UPRT: variants seen among roughly 807,000 people sequenced by gnomAD.
UPRT encodes uracil phosphoribosyltransferase homolog, also known as RP11-311P8.3.
A neutral mutation model predicts 22.6 loss-of-function variants in UPRT; 5 were observed. The ratio of observed to expected loss-of-function variants is 0.22; its 90% CI spans 0.12 to 0.47. UPRT has a LOEUF of 0.47. Among genes scored for constraint, UPRT ranks in the 20% least tolerant of loss-of-function variants. The probability of loss-of-function intolerance (pLI) is 0.99; values close to 1 mark genes in which losing one functional copy is unlikely to be tolerated. For synonymous variants in UPRT, 77 were observed against 87.7 expected (o/e 0.88, Z 0.68); for missense variants, 181 against 239.9 (o/e 0.75, Z 1.62).
intron 4 of UPRT, among the ~76,000 whole-genome samples, chrX:75,253,521 A>C (rs2082539143): frequency 8.9e-6 from 1 of 112,159 alleles, no homozygotes; most frequent in Admixed American, 9.5e-5. Flanking sequence ...AAAGAACTAA[A>C]AACAGAAAAA....
intron 4 of UPRT, among the ~76,000 whole-genome samples, chrX:75,237,803 T>G (rs867226226): frequency 1.5e-4 from 5 of 33,102 alleles, no homozygotes; most frequent in South Asian, 2.5e-3. Context: ...TGTTGTGGGG[T>G]GGGGGGAGGG....
At chrX:75,301,737 A>G (rs910864162) in intron 6 of UPRT, among the ~76,000 whole-genome samples, 2 of 111,916 alleles carry the variant, frequency 1.8e-5, no homozygotes, top group African/African-American at 3.2e-5. Context: ...AAATAACAGC[A>G]TTAGAATAGG....
intron 4 of UPRT, among the ~76,000 whole-genome samples, chrX:75,232,247 C>T (rs11798503): frequency 0.65 from 72,675 of 111,487 alleles, 20,739 homozygotes; most frequent in Non-Finnish European, 0.91. Flanking sequence ...TAAAAAACGG[C>T]GCACAGGGAG....
At chrX:75,229,202 A>C (rs2082431154) in intron 4 of UPRT, among the ~76,000 whole-genome samples, 2 of 112,244 alleles carry the variant, frequency 1.8e-5, no homozygotes, top group Admixed American at 1.9e-4. Context: ...GCAGTGATGG[A>C]TGTATTAATT....
intron 1 of UPRT, among the ~76,000 whole-genome samples, chrX:75,285,239 G>A (rs1361674684): frequency 9.0e-6 from 1 of 111,597 alleles, no homozygotes; most frequent in Non-Finnish European, 1.9e-5. Flanking sequence ...AGTTGAGAAA[G>A]AAAAACTTCT....
rs770078799 is a variant in UPRT at position 75,206,951 on chromosome X, A to T, written c.-447+39072A>T. On this transcript the variant is annotated intron_variant, in intron 4 of 13. Transcript: ENST00000652605. The stretch of plus-strand genomic sequence containing the variant: ...AGTGTTGAGATTACAGGCGTGAGCC[A>T]CCACACTTGGCCAATGATGGGGTTT... Among the ~76,000 whole-genome samples the T allele has an allele frequency of 3.6e-5, 4 of 112,586 alleles. No homozygotes were observed. In the East Asian group the frequency reaches 1.1e-3, roughly 32 times the overall value.
Position 75,274,188 on chromosome X carries a change from T to C in UPRT, c.-67T>C. The C allele has an allele frequency of 1.7e-6, 2 of 1,147,016 alleles. No homozygotes were observed. Among genetic ancestry groups the C allele is most frequent in the East Asian group, 3.0e-5 (1 of 33,119 alleles). The allele number at this position is 1,147,016 out of a possible 1,213,427, so 94.5% of individuals were successfully genotyped here. On this transcript the variant is annotated 5_prime_UTR_variant, in exon 1 of 7. Transcript: ENST00000373383. ...AACCGAGAGAGCACGTGAGCATCTG[T>C]CCTTTCTACCCGTTCCTCTTTATCT...
intron 4 of UPRT, among the ~76,000 whole-genome samples, chrX:75,192,436 G>A (rs781384185): frequency 3.6e-5 from 4 of 111,005 alleles, no homozygotes; most frequent in African/African-American, 1.3e-4. Flanking sequence ...TGTATATTCC[G>A]TTGTTTTTGG....
At chrX:75,269,568 T>C (rs978901628), upstream of UPRT, among the ~76,000 whole-genome samples, 23 of 111,527 alleles carry the variant, frequency 2.1e-4, no homozygotes, top group African/African-American at 7.2e-4. Flanking sequence ...TACAGTCCAA[T>C]GGAACAGAAC....
intron 1 of UPRT, among the ~76,000 whole-genome samples, chrX:75,288,718 C>T (rs1300095218): frequency 9.0e-6 from 1 of 111,322 alleles, no homozygotes; most frequent in Non-Finnish European, 1.9e-5. Flanking sequence ...ATAACAAACC[C>T]ACAGCCAACA....
chrX:75,172,601 GT>G (rs1242940508), intron 4 of UPRT, among the ~76,000 whole-genome samples: 1 of 111,889 alleles, frequency 8.9e-6, no homozygotes. Flanking sequence ...GACCCTTGCG[GT>G]GAGTGTTACA....
intron 1 of UPRT, among the ~76,000 whole-genome samples, chrX:75,278,404 T>A (rs2082640079): frequency 8.9e-6 from 1 of 112,078 alleles, no homozygotes; most frequent in African/African-American, 3.2e-5. Flanking sequence ...AAACACTGAG[T>A]AGATTATTTG....
At chrX:75,263,921 T>C (rs2082577630) in intron 4 of UPRT, among the ~76,000 whole-genome samples, 1 of 109,909 alleles carries the variant, frequency 9.1e-6, no homozygotes, top group South Asian at 4.0e-4. Context: ...TGTTGTGTCT[T>C]TGTTCTCGTT....
upstream of UPRT, among the ~76,000 whole-genome samples, chrX:75,272,026 C>T (rs2082609485): frequency 9.1e-6 from 1 of 109,699 alleles, no homozygotes; most frequent in Non-Finnish European, 1.9e-5. Context: ...AAACAGGGAA[C>T]ACTGCTACAC....
At chrX:75,160,118 T>C (rs2082194744) in intron 1 of UPRT, among the ~76,000 whole-genome samples, 1 of 111,818 alleles carries the variant, frequency 8.9e-6, no homozygotes, top group Admixed American at 9.5e-5. Flanking sequence ...GGCATTGCCC[T>C]TCTCTAATCC....
intron 4 of UPRT, among the ~76,000 whole-genome samples, chrX:75,184,105 A>G (rs1192921938): frequency 9.0e-6 from 1 of 111,575 alleles, no homozygotes; most frequent in Non-Finnish European, 1.9e-5. Context: ...GCCCATGCCT[A>G]TGTCCTGAAT....
Position 75,274,495 on chromosome X carries a change from G to A in UPRT, c.241G>A (p.Gly81Ser). The A allele has an allele frequency of 8.3e-7, 1 of 1,211,872 alleles. No individual in the cohort carries two copies. Among genetic ancestry groups the A allele is most frequent in the Non-Finnish European group, 1.1e-6 (1 of 895,541 alleles). The change falls in exon 1 of 7, where the codon GGT becomes AGT. Residue 81 changes from glycine to serine, a missense_variant. Transcript: ENST00000373383. Reference sequence around the variant, plus strand: ...CAGCCTCAACTCAGAGGGCAACAGTGGTAGTGGTGACAGTAGCAGCTATGA... The same window carrying A: ...CAGCCTCAACTCAGAGGGCAACAGTAGTAGTGGTGACAGTAGCAGCTATGA... ...GSSLNSEGNS[G>S]SGDSSSYDAP...
intron 4 of UPRT, among the ~76,000 whole-genome samples, chrX:75,250,590 G>A (rs1452373076): frequency 9.0e-6 from 1 of 110,929 alleles, no homozygotes; most frequent in Non-Finnish European, 1.9e-5. Flanking sequence ...ACCAAAACAA[G>A]TCCAGGACCA....
chrX:75,233,340 G>A (rs1178727481), intron 4 of UPRT, among the ~76,000 whole-genome samples: 1 of 111,414 alleles, frequency 9.0e-6, no homozygotes, highest in East Asian at 2.8e-4. Context: ...GGGGAGAATG[G>A]AACCAAGTTG....
Sources: gnomAD v4.1 joint callset for allele counts (sites outside exome capture counted in the v4.1 genomes callset) on GRCh38, gnomAD v4.1.1 for gene constraint, MANE v1.5 for transcripts, NCBI Gene and HGNC (gene_info 2026-07-23, HGNC 2026-07-21) for gene names.